The following RBFOX1 variants were observed in gnomAD, a reference collection of about 807,000 sequenced individuals.
The protein encoded by RBFOX1 is RNA binding protein fox-1 homolog 1.
RBFOX1 carries 8 observed loss-of-function variants against 57.7 expected under a neutral mutation model. The ratio of observed to expected loss-of-function variants is 0.14; its 90% CI spans 0.08 to 0.25. RBFOX1 has a LOEUF of 0.25. Ranked by LOEUF, RBFOX1 falls within the 10% of genes least tolerant of loss-of-function variation. The pLI, the probability that RBFOX1 is intolerant of heterozygous loss-of-function variation, is 1.00. For synonymous variants in RBFOX1, 326 were observed against 222.4 expected (o/e 1.47, Z -4.15); for missense variants, 611 against 548.5 (o/e 1.11, Z -1.14).
rs34580591 is a variant in RBFOX1, at chr16:7,446,798, ATTTTTTTTTTTTTTTTTT to A, written c.28-71334_28-71317del. Among the ~76,000 whole-genome samples, 5 of 49,018 alleles carry A rather than the reference ATTTTTTTTTTTTTTTTTT, an allele frequency of 1.0e-4. No homozygotes were observed. In the East Asian group the frequency reaches 4.0e-3, roughly 39 times the overall value. 32.2% of individuals were successfully genotyped at this position (49,018 alleles called of 152,430 possible). ...TTCTCAAGCCAAGGTAGGTCTAGGTATTTTTTTTTTTTTTTTTTTTTTTTTTTTTTTTGAGACAGTGTC... is the reference window on the plus strand; with the variant it reads ...TTCTCAAGCCAAGGTAGGTCTAGGTATTTTTTTTTTTTTTGAGACAGTGTC... On this transcript the variant is annotated intron_variant, in intron 4 of 15. Coordinates refer to ENST00000550418, the MANE Select transcript of RBFOX1 (RefSeq NM_018723.4).
intron 3 of RBFOX1, among the ~76,000 whole-genome samples, chr16:6,975,249 A>G (rs978731640): frequency 2.1e-5 from 3 of 142,354 alleles, no homozygotes; most frequent in South Asian, 2.4e-4. Flanking sequence ...TCAACCAAGA[A>G]GAAATCATGT....
chr16:6,151,379 G>A (rs140060201), intron 1 of RBFOX1, among the ~76,000 whole-genome samples: 1,828 of 152,138 alleles, frequency 0.012, 16 homozygotes, highest in Middle Eastern at 0.024. Flanking sequence ...TCTGCCTCCC[G>A]GATTCAAGCA....
intron 4 of RBFOX1, among the ~76,000 whole-genome samples, chr16:7,299,831 T>A (rs757871886): frequency 1.1e-4 from 17 of 152,314 alleles, no homozygotes; most frequent in Non-Finnish European, 1.6e-4. Context: ...TGCTCCTCAG[T>A]TTACAATGGG....
chr16:5,844,486 T>G (rs1316237497), intron 3 of RBFOX1, among the ~76,000 whole-genome samples: 1 of 152,168 alleles, frequency 6.6e-6, no homozygotes, highest in African/African-American at 2.4e-5. Context: ...ATCCCTGACA[T>G]CTGATAAATT....
chr16:7,164,719 T>C (rs765614295), intron 4 of RBFOX1, among the ~76,000 whole-genome samples: 4 of 152,236 alleles, frequency 2.6e-5, no homozygotes, highest in Non-Finnish European at 5.9e-5. Context: ...CCCTACCTCA[T>C]GGCTGTATAG....
intron 4 of RBFOX1, among the ~76,000 whole-genome samples, chr16:7,362,223 T>A (rs1428677051): frequency 6.6e-6 from 1 of 150,466 alleles, no homozygotes; most frequent in Non-Finnish European, 1.5e-5. Flanking sequence ...TTTATGTGTT[T>A]GTGTGTTTTG....
intron 3 of RBFOX1, among the ~76,000 whole-genome samples, chr16:7,048,992 C>T (rs532311784): frequency 1.3e-5 from 2 of 152,258 alleles, no homozygotes; most frequent in East Asian, 1.9e-4. Context: ...GGGACATGGG[C>T]AGTAGTCTAT....
intron 3 of RBFOX1, among the ~76,000 whole-genome samples, chr16:5,624,736 C>T (rs560794799): frequency 1.7e-4 from 26 of 152,348 alleles, no homozygotes; most frequent in Admixed American, 1.2e-3. Context: ...GCCACCAATG[C>T]GGGGTGACAG....
chr16:6,804,379 G>C (rs12930067), intron 3 of RBFOX1, among the ~76,000 whole-genome samples: 21,054 of 151,952 alleles, frequency 0.14, 1,732 homozygotes, highest in Middle Eastern at 0.2. Flanking sequence ...ATTCTAATAG[G>C]ATCCCTAATG....
At chr16:6,664,201 G>C (rs188165947) in intron 3 of RBFOX1, among the ~76,000 whole-genome samples, 17 of 151,848 alleles carry the variant, frequency 1.1e-4, no homozygotes, top group Non-Finnish European at 2.1e-4. Flanking sequence ...TCTAACACCA[G>C]CAAAGCTTTT....
At chr16:7,384,567 C>T (rs966720882) in intron 4 of RBFOX1, among the ~76,000 whole-genome samples, 1 of 152,064 alleles carries the variant, frequency 6.6e-6, no homozygotes, top group African/African-American at 2.4e-5. Flanking sequence ...TCCATCTGGG[C>T]TTTATTTTTC....
chr16:7,412,615 C>T (rs1037221999), intron 4 of RBFOX1, among the ~76,000 whole-genome samples: 2 of 152,200 alleles, frequency 1.3e-5, no homozygotes, highest in Non-Finnish European at 1.5e-5. Flanking sequence ...GCGTTTCTCA[C>T]TTAGTAATAC....
chr16:7,305,115 G>A (rs1051775552), intron 4 of RBFOX1, among the ~76,000 whole-genome samples: 10 of 151,770 alleles, frequency 6.6e-5, no homozygotes, highest in Admixed American at 3.3e-4. Context: ...ATGTGTTAGG[G>A]TGTTTGTGTG....
intron 1 of RBFOX1, among the ~76,000 whole-genome samples, chr16:5,339,375 C>G (rs1402813310): frequency 6.6e-6 from 1 of 150,386 alleles, no homozygotes; most frequent in African/African-American, 2.4e-5. Flanking sequence ...CCAAACTGGC[C>G]TTAACAAAGG....
At position 6,103,018 on chromosome 16, in the gene RBFOX1, C is replaced by T. The variant is rs567705735; in HGVS notation, c.-127+83026C>T. Among the ~76,000 whole-genome samples, 10 of 152,292 alleles carry T rather than the reference C, an allele frequency of 6.6e-5. No individual in the cohort carries two copies. In the East Asian group the frequency reaches 1.9e-3, roughly 29 times the overall value. On this transcript the variant is annotated intron_variant, in intron 1 of 15. Transcript: ENST00000550418. ...AGACTTTCATAATTGTGAGCAACCA[C>T]AGTGTCTTCCCCTCTTTTGGACAAT...
intron 2 of RBFOX1, among the ~76,000 whole-genome samples, chr16:5,529,891 A>G (rs375840454): frequency 2.6e-5 from 4 of 152,204 alleles, no homozygotes; most frequent in South Asian, 4.1e-4. Flanking sequence ...AAATGGGGAT[A>G]TTTAGACACA....
chr16:7,645,753 A>G lies in RBFOX1; in HGVS notation c.758-8062A>G, dbSNP rs537481776. On this transcript the variant is annotated intron_variant, in intron 11 of 15. Coordinates refer to ENST00000550418, the MANE Select transcript of RBFOX1 (RefSeq NM_018723.4). ...AAGAAACTGTTTGTCCAAAATGTAG[A>G]TTTATTCACTTCTAAACAGCAGTAT... is the stretch of plus-strand genomic sequence containing the variant. 5.9e-5 allele frequency among the ~76,000 whole-genome samples: 9 copies of G among 152,336 alleles called. No individual in the cohort carries two copies. The South Asian group carries it at 1.7e-3, about 28-fold the overall frequency.
At chr16:6,633,141 G>A (rs1178322102) in intron 2 of RBFOX1, among the ~76,000 whole-genome samples, 2 of 152,178 alleles carry the variant, frequency 1.3e-5, no homozygotes, top group Non-Finnish European at 2.9e-5. Context: ...CAGCTGACGT[G>A]CACCCCTGTG....
At chr16:5,395,219 T>G (rs1328215895) in intron 1 of RBFOX1, among the ~76,000 whole-genome samples, 1 of 152,232 alleles carries the variant, frequency 6.6e-6, no homozygotes, top group Non-Finnish European at 1.5e-5. Context: ...TCTGTGCATC[T>G]CTTCTCCATC....
Sources: gnomAD v4.1 joint callset for allele counts (sites outside exome capture counted in the v4.1 genomes callset) on GRCh38, gnomAD v4.1.1 for gene constraint, MANE v1.5 for transcripts, NCBI Gene and HGNC (gene_info 2026-07-23, HGNC 2026-07-21) for gene names.